LAMA1: variants seen among roughly 807,000 people sequenced by gnomAD.
LAMA1 encodes the protein laminin subunit alpha 1.
A neutral mutation model predicts 348.7 loss-of-function variants in LAMA1; 219 were observed. The observed-to-expected ratio is 0.63, with a 90% confidence interval of 0.56 to 0.70. LAMA1 has a LOEUF of 0.70. LAMA1 is among the 30% of genes least tolerant of loss of function. LAMA1 has a pLI of 0.00. For synonymous variants in LAMA1, 1,487 were observed against 1,491.0 expected (o/e 1.00, Z 0.06); for missense variants, 3,744 against 3,888.0 (o/e 0.96, Z 0.99).
chr18:7,034,280 A>G (rs1292923837), intron 14 of LAMA1, among the ~76,000 whole-genome samples, 199 bp downstream of exon 14: 1 of 152,196 alleles, frequency 6.6e-6, no homozygotes, highest in Admixed American at 6.6e-5. Flanking sequence ...TACTGGATAC[A>G]CTTGATGTGG....
chr18:7,017,470 ATGT>A, intron 19 of LAMA1, 86 bp from the exon 20 acceptor site: 1 of 901,064 alleles, frequency 1.1e-6, no homozygotes, highest in Non-Finnish European at 1.8e-6. Context: ...GAAAAAAAAA[ATGT>A]AAACTTTCAA....
chr18:6,966,256 C>T lies in LAMA1; in HGVS notation c.6941G>A (p.Gly2314Glu). Reference sequence around the variant, plus strand: ...AAGTGACTTCTCCACGACAGAGTACCCACTCCCGTCAAAATGGAAGGAAGG... The same window carrying T: ...AAGTGACTTCTCCACGACAGAGTACTCACTCCCGTCAAAATGGAAGGAAGG... ...EDPSFHFDGS[G>E]YSVVEKSLPA... The change falls in exon 49 of 63, where the codon GGG becomes GAG. Residue 2314 changes from glycine to glutamate, a missense_variant. This residue lies in a region of LAMA1 where 1,983 missense variants were observed against 1,934.3 expected (regional missense o/e 1.03). Transcript: ENST00000389658. 1 of 1,613,916 alleles carries T rather than the reference C, an allele frequency of 6.2e-7. No homozygotes were observed. Among genetic ancestry groups the T allele is most frequent in the South Asian group, 1.1e-5 (1 of 90,962 alleles).
At chr18:7,041,325 T>A (rs919370888) in intron 9 of LAMA1, among the ~76,000 whole-genome samples, 2 of 152,188 alleles carry the variant, frequency 1.3e-5, no homozygotes, top group Non-Finnish European at 2.9e-5. Flanking sequence ...AATGATATAT[T>A]TTTTTAAATG....
chr18:7,006,216 G>A (rs182125749), intron 29 of LAMA1, among the ~76,000 whole-genome samples: 2 of 152,208 alleles, frequency 1.3e-5, no homozygotes, highest in Non-Finnish European at 2.9e-5. Flanking sequence ...CTCGGTCAGG[G>A]CTGCGAGGCT....
At chr18:7,081,662 T>C (rs2058193879) in intron 1 of LAMA1, among the ~76,000 whole-genome samples, 1 of 152,176 alleles carries the variant, frequency 6.6e-6, no homozygotes, top group Non-Finnish European at 1.5e-5. Context: ...GATTTAACTT[T>C]ATCTTGGTAA....
At chr18:7,005,044 T>C (rs1227158448) in intron 29 of LAMA1, among the ~76,000 whole-genome samples, 4 of 152,058 alleles carry the variant, frequency 2.6e-5, no homozygotes, top group Non-Finnish European at 5.9e-5. Flanking sequence ...GCAAAGGCGT[T>C]AGGCTCAGGG....
chr18:7,006,988 C>T (rs2144106718), intron 29 of LAMA1, 151 bp downstream of exon 29: 3 of 1,197,192 alleles, frequency 2.5e-6, no homozygotes, highest in Admixed American at 2.0e-5. Context: ...CTAAGCTATG[C>T]CGTCCTCAAG....
chr18:6,961,551 T>C, intron 53 of LAMA1, 35 bp downstream of exon 53: 1 of 1,608,178 alleles, frequency 6.2e-7, no homozygotes, highest in Non-Finnish European at 8.5e-7. Flanking sequence ...AGTAATTTCC[T>C]GAGCTTGGGG....
At chr18:7,028,852 A>T (rs1440749453) in intron 16 of LAMA1, among the ~76,000 whole-genome samples, 3 of 152,190 alleles carry the variant, frequency 2.0e-5, no homozygotes, top group African/African-American at 7.2e-5. Context: ...ACGGGCTCGA[A>T]GGGAGCGGGG....
chr18:7,106,315 C>G (rs1255321290), intron 1 of LAMA1, among the ~76,000 whole-genome samples: 1 of 151,924 alleles, frequency 6.6e-6, no homozygotes, highest in Non-Finnish European at 1.5e-5. Context: ...ATGATGTTAA[C>G]TGAGTGGTTC....
intron 55 of LAMA1, among the ~76,000 whole-genome samples, 194 bp downstream of exon 55, chr18:6,958,283 A>G (rs1002328839): frequency 6.6e-6 from 1 of 152,222 alleles, no homozygotes; most frequent in Non-Finnish European, 1.5e-5. Context: ...TATGATGACC[A>G]GATCTGTCTA....
intron 39 of LAMA1, among the ~76,000 whole-genome samples, chr18:6,983,775 T>C (rs971264838): frequency 1.3e-5 from 2 of 152,200 alleles, no homozygotes; most frequent in Non-Finnish European, 2.9e-5. Context: ...AGTGGGCACA[T>C]TGCTTAGGAA....
Position 6,959,358 on chromosome 18 carries a change from G to A in LAMA1, c.7761C>T (p.Ser2587=). Residue 2587 remains serine, a synonymous_variant, in exon 54 of 63, where the codon TCC becomes TCT. Coordinates refer to ENST00000389658, the MANE Select transcript of LAMA1 (RefSeq NM_005559.4). ...GCAAGTACCTCCGATTCCTGACCAA[G>A]GAGATGGAATGCGCTTGTCCATCAC... ...TCSDGQAHSI[S]LVRNRRIITV... is the part of the protein sequence containing the mutation. 1 of 1,614,134 alleles carries A rather than the reference G, an allele frequency of 6.2e-7. No homozygotes were observed. Among genetic ancestry groups the A allele is most frequent in the Non-Finnish European group, 8.5e-7 (1 of 1,180,040 alleles).
Position 7,036,502 on chromosome 18 carries a change from A to G in LAMA1, c.1738-414T>C, listed in dbSNP as rs545732031. On this transcript the variant is annotated intron_variant, in intron 12 of 62. Transcript: ENST00000389658. ...CAACAAAGAATATGTCTGATTTGCT[A>G]GTTAGAGAAAGGACTAAAGGTGTTT... is the stretch of plus-strand genomic sequence containing the variant. Among the ~76,000 whole-genome samples the G allele has an allele frequency of 4.6e-5, 7 of 152,326 alleles. No individual in the cohort carries two copies. The South Asian group carries it at 1.5e-3, about 32-fold the overall frequency.
rs556448351 is a variant in LAMA1 at position 7,108,017 on chromosome 18, T to TA, written c.61+9642dup. Among the ~76,000 whole-genome samples the TA allele has an allele frequency of 5.5e-3, 660 of 120,770 alleles. 5 individuals are homozygous for TA. Among genetic ancestry groups the TA allele is most frequent in the African/African-American group, 0.019 (618 of 31,790 alleles). 79.2% of individuals were successfully genotyped at this position (120,770 alleles called of 152,430 possible). Reference sequence around the variant, plus strand: ...CGACAGAGCGAGACTCCGTCTCAAATAAAAAAAATAACAAAAAAAAAAAGA... The same window carrying TA: ...CGACAGAGCGAGACTCCGTCTCAAATAAAAAAAAATAACAAAAAAAAAAAGA... On this transcript the variant is annotated intron_variant, in intron 1 of 62. Coordinates refer to ENST00000389658, the MANE Select transcript of LAMA1 (RefSeq NM_005559.4).
At position 7,043,346 on chromosome 18, in the gene LAMA1, T is replaced by C; in HGVS notation, c.1036A>G (p.Lys346Glu). The C allele has an allele frequency of 6.2e-7, 1 of 1,614,112 alleles. No homozygotes were observed. ...CYYDESVAKQ[K>E]KSLNTAGQFR... ...TGTCCAGCAGTATTCAAACTTTTCT[T>C]CTGCTTTGCAACACTTTCATCATAG... Residue 346 changes from lysine to glutamate, a missense_variant, in exon 8 of 63, where the codon AAG (lysine) becomes GAG (glutamate). Lys to Glu is a moderately conservative substitution (Grantham distance 56). Coordinates refer to ENST00000389658, the MANE Select transcript of LAMA1 (RefSeq NM_005559.4).
intron 30 of LAMA1, 151 bp downstream of exon 30, chr18:7,002,113 T>C (rs1433865676): frequency 1.1e-5 from 11 of 1,012,502 alleles, no homozygotes; most frequent in Non-Finnish European, 1.6e-5. Flanking sequence ...CCAATGCTTT[T>C]GAGAATGAAC....
At chr18:7,042,719 CT>C in intron 8 of LAMA1, 1 of 206,338 alleles carries the variant, frequency 4.8e-6, no homozygotes, top group Non-Finnish European at 9.9e-6. Flanking sequence ...CCTGTCTCTA[CT>C]AAAAATACAA....
Position 6,985,315 on chromosome 18 carries a change from T to TGGGACATGTGCATGACC in LAMA1, c.5565_5581dup (p.Gln1861ArgfsTer27). On this transcript the variant is annotated frameshift_variant, in exon 39 of 63. Transcript: ENST00000389658. LOFTEE classifies it high-confidence loss of function. The stretch of plus-strand genomic sequence containing the variant: ...GTAGACCAGGTCGACTGCGTTCCTT[T>TGGGACATGTGCATGACC]GGGACATGTGCATGACCAGGTCATC... 6.2e-7 allele frequency: 1 copy of TGGGACATGTGCATGACC among 1,614,230 alleles called. No homozygotes were observed. The highest frequency in any genetic ancestry group is 8.5e-7 in the Non-Finnish European group (1 of 1,180,042).
Sources: allele counts gnomAD v4.1 joint callset (sites outside exome capture counted in the v4.1 genomes callset), GRCh38; gene constraint gnomAD v4.1.1; regional missense constraint gnomAD v4.1.1; transcripts MANE v1.5; gene names NCBI Gene and HGNC (gene_info 2026-07-23, HGNC 2026-07-21).